RAPGEF5: variants seen among roughly 807,000 people sequenced by gnomAD.
RAPGEF5 encodes the protein Rap guanine nucleotide exchange factor 5, also known as M-Ras-regulated GEF.
RAPGEF5 carries 65 observed loss-of-function variants against 125.2 expected under a neutral mutation model. That is an observed-to-expected ratio of 0.52 (90% CI 0.43 to 0.64). The LOEUF (loss-of-function observed/expected upper bound fraction) is 0.64. Among genes scored for constraint, RAPGEF5 ranks in the 30% least tolerant of loss-of-function variants. The pLI is 0.00. For synonymous variants in RAPGEF5, 391 were observed against 385.9 expected, an observed-to-expected ratio of 1.01 and a Z score of -0.16; for missense variants, 958 against 1,048.1, an observed-to-expected ratio of 0.91 and a Z score of 1.19.
chr7:22,280,218 T>C (rs542524027), intron 6 of RAPGEF5, among the ~76,000 whole-genome samples: 12 of 152,168 alleles, frequency 7.9e-5, no homozygotes, highest in Non-Finnish European at 1.6e-4. Flanking sequence ...TTTCTACAAC[T>C]CTCACATGAG....
At chr7:22,164,788 A>C (rs1408648712) in intron 12 of RAPGEF5, among the ~76,000 whole-genome samples, 4 of 152,204 alleles carry the variant, frequency 2.6e-5, no homozygotes, top group South Asian at 4.1e-4. Context: ...TATGTAATGC[A>C]CAGAATATTA....
chr7:22,204,469 C>T lies in RAPGEF5; in HGVS notation c.997-10436G>A, dbSNP rs150196924. Among the ~76,000 whole-genome samples the T allele has an allele frequency of 2.2e-4, 33 of 152,202 alleles. No homozygotes were observed. The East Asian group carries it at 5.8e-3, about 27-fold the overall frequency. On this transcript the variant is annotated intron_variant, in intron 9 of 25. Transcript: ENST00000665637. ...GAGGAAATGCTTGTGTGTGTGTGCA[C>T]GCATGCCTGTGGAACTTCCATGAGG...
intron 7 of RAPGEF5, among the ~76,000 whole-genome samples, chr7:22,244,321 C>T (rs545398656): frequency 5.3e-5 from 8 of 152,248 alleles, no homozygotes; most frequent in Admixed American, 1.3e-4. Flanking sequence ...TCAACCCCCA[C>T]GCCACGGACT....
rs1022292890 is a variant in RAPGEF5, at chr7:22,125,504, T to C, written c.2536+100A>G. 2.3e-5 allele frequency: 27 copies of C among 1,161,458 alleles called. No homozygotes were observed. The Admixed American group carries it at 4.6e-4, about 20-fold the overall frequency. 71.9% of individuals were successfully genotyped at this position (1,161,458 alleles called of 1,614,324 possible). A position where few individuals can be genotyped will look rare whatever the true frequency, so the allele number is the denominator to read the frequency against. ...ATGCGTATGTATATACATATGATAC[T>C]TTTCAATCTGTTTAAATTGATTACC... On this transcript the variant is annotated intron_variant, in intron 25 of 25. Transcript: ENST00000665637.
intron 1 of RAPGEF5, among the ~76,000 whole-genome samples, chr7:22,320,719 T>C (rs1562527670): frequency 2.6e-5 from 4 of 152,190 alleles, no homozygotes; most frequent in South Asian, 2.1e-4. Flanking sequence ...CTTCCATTCA[T>C]TTCATTTTTG....
intron 12 of RAPGEF5, 150 bp from the exon 13 acceptor site, chr7:22,162,691 C>G: frequency 1.2e-6 from 1 of 806,212 alleles, no homozygotes; most frequent in South Asian, 1.6e-5. Flanking sequence ...AAAAGGTGTG[C>G]ACTGAGAAGA....
intron 24 of RAPGEF5, among the ~76,000 whole-genome samples, chr7:22,128,239 G>A (rs1465143250): frequency 6.6e-6 from 1 of 152,112 alleles, no homozygotes; most frequent in African/African-American, 2.4e-5. Flanking sequence ...GAGAAGAAAA[G>A]AAACCATTTG....
intron 12 of RAPGEF5, among the ~76,000 whole-genome samples, chr7:22,165,934 G>T (rs1371046660): frequency 1.3e-5 from 2 of 151,404 alleles, no homozygotes; most frequent in East Asian, 3.9e-4. Context: ...TCCTCCCTCA[G>T]CATCTCATGT....
chr7:22,215,768 T>A (rs1443195835), intron 9 of RAPGEF5, among the ~76,000 whole-genome samples: 1 of 152,232 alleles, frequency 6.6e-6, no homozygotes, highest in Non-Finnish European at 1.5e-5. Context: ...ATTTGGGAGC[T>A]ACCAGAGATT....
At chr7:22,193,641 C>A (rs567712759) in intron 10 of RAPGEF5, 186 bp from the exon 11 acceptor site, 18 of 1,550,700 alleles carry the variant, frequency 1.2e-5, no homozygotes, top group Middle Eastern at 1.7e-4. Flanking sequence ...GGTCAAAGAC[C>A]CTCAGCCGGG....
chr7:22,196,814 C>T (rs537455962), intron 9 of RAPGEF5, among the ~76,000 whole-genome samples: 11 of 152,152 alleles, frequency 7.2e-5, no homozygotes, highest in Non-Finnish European at 1.2e-4. Flanking sequence ...CTGCCACAGA[C>T]GTTTAGCAAG....
intron 24 of RAPGEF5, among the ~76,000 whole-genome samples, chr7:22,128,652 T>C (rs1782821103): frequency 6.6e-6 from 1 of 152,158 alleles, no homozygotes; most frequent in African/African-American, 2.4e-5. Context: ...ATAAAACTGC[T>C]TTTTGTCCTG....
chr7:22,145,268 T>C (rs1317977800), intron 19 of RAPGEF5, 46 bp from the exon 20 acceptor site: 7 of 1,535,270 alleles, frequency 4.6e-6, no homozygotes, highest in Non-Finnish European at 6.2e-6. Context: ...TAGCAAAGTA[T>C]GGTTGATACA....
chr7:22,192,951 T>C (rs1180772776), intron 11 of RAPGEF5: 1 of 204,020 alleles, frequency 4.9e-6, no homozygotes, highest in Non-Finnish European at 1.0e-5. Context: ...GCATTAATTG[T>C]TGACATTTCA....
intron 20 of RAPGEF5, 117 bp from the exon 21 acceptor site, chr7:22,140,232 C>A: frequency 2.3e-6 from 2 of 872,906 alleles, no homozygotes; most frequent in Middle Eastern, 2.6e-4. Flanking sequence ...TTCTGCTCTA[C>A]AGCCTACGTA....
intron 1 of RAPGEF5, among the ~76,000 whole-genome samples, chr7:22,327,838 C>A (rs1046518101): frequency 6.6e-5 from 10 of 152,278 alleles, no homozygotes; most frequent in African/African-American, 2.4e-4. Context: ...GGGCTCCAAC[C>A]CATGGATTTT....
chr7:22,193,583 GCTCTCGGTCT>G, intron 10 of RAPGEF5, 128 bp from the exon 11 acceptor site: 1 of 1,551,400 alleles, frequency 6.4e-7, no homozygotes, highest in Non-Finnish European at 8.7e-7. Flanking sequence ...GGCAAGGGCA[GCTCTCGGTCT>G]GAGAGCGCCG....
intron 23 of RAPGEF5, among the ~76,000 whole-genome samples, chr7:22,135,205 G>A (rs1783042691): frequency 6.6e-6 from 1 of 152,150 alleles, no homozygotes; most frequent in African/African-American, 2.4e-5. Flanking sequence ...ACTGGGGCCT[G>A]GCTTAGCAGA....
At chr7:22,160,405 G>T in intron 14 of RAPGEF5, 113 bp downstream of exon 14, 1 of 990,978 alleles carries the variant, frequency 1.0e-6, no homozygotes, top group Non-Finnish European at 1.5e-6. Context: ...GCATCAAGAT[G>T]AATCTGAGTC....
Sources: allele counts gnomAD v4.1 joint callset (sites outside exome capture counted in the v4.1 genomes callset), GRCh38; gene constraint gnomAD v4.1.1; transcripts MANE v1.5; gene names NCBI Gene and HGNC (gene_info 2026-07-23, HGNC 2026-07-21).